The following VTI1A variants were observed in gnomAD, a reference collection of about 807,000 sequenced individuals.
VTI1A encodes the protein vesicle transport through interaction with t-SNAREs 1A.
VTI1A carries 22 observed loss-of-function variants against 34.9 expected under a neutral mutation model. That is an observed-to-expected ratio of 0.63 (90% CI 0.45 to 0.90). VTI1A has a LOEUF of 0.90. VTI1A is among the 40% of genes least tolerant of loss of function. The pLI is 0.00. For synonymous variants in VTI1A, 87 were observed against 97.3 expected (o/e 0.89, Z 0.62); for missense variants, 268 against 275.6 (o/e 0.97, Z 0.20).
intron 7 of VTI1A, among the ~76,000 whole-genome samples, chr10:112,718,618 A>G (rs74156806): frequency 0.013 from 1,936 of 152,310 alleles, 40 homozygotes; most frequent in African/African-American, 0.043. Flanking sequence ...TGGATAATCT[A>G]GAAAAGAATA....
chr10:112,623,708 A>G (rs909448086), intron 5 of VTI1A, among the ~76,000 whole-genome samples: 2 of 152,238 alleles, frequency 1.3e-5, no homozygotes, highest in East Asian at 1.9e-4. Flanking sequence ...ATCCATTCCT[A>G]TAGGATTCCT....
At chr10:112,604,052 T>G (rs1844980882) in intron 5 of VTI1A, among the ~76,000 whole-genome samples, 1 of 152,162 alleles carries the variant, frequency 6.6e-6, no homozygotes, top group South Asian at 2.1e-4. Flanking sequence ...CTCATTTTTT[T>G]TCTTTTGGTT....
intron 7 of VTI1A, among the ~76,000 whole-genome samples, chr10:112,673,788 C>T (rs77585493): frequency 0.022 from 3,296 of 152,270 alleles, 54 homozygotes; most frequent in Non-Finnish European, 0.034. Context: ...ATCTGGAAAG[C>T]TTAAATGCAC....
chr10:112,709,682 C>CTT lies in VTI1A; in HGVS notation c.560+40711_560+40712dup, dbSNP rs57081938. On this transcript the variant is annotated intron_variant, in intron 7 of 7. Coordinates refer to ENST00000393077, the MANE Select transcript of VTI1A (RefSeq NM_145206.4). The stretch of plus-strand genomic sequence containing the variant: ...CCCCAACAAGAGGCACTCTATGTGG[C>CTT]TTTTTTTTTTTTTTTTTTTTTTTTT... Among the ~76,000 whole-genome samples, 148 of 70,272 alleles carry CTT rather than the reference C, an allele frequency of 2.1e-3. 8 individuals are homozygous for CTT. The highest frequency in any genetic ancestry group is 7.7e-3 in the African/African-American group (119 of 15,368). 46.1% of individuals were successfully genotyped at this position (70,272 alleles called of 152,430 possible).
chr10:112,530,452 T>C (rs1850377750), intron 4 of VTI1A, among the ~76,000 whole-genome samples: 1 of 152,162 alleles, frequency 6.6e-6, no homozygotes. Flanking sequence ...ACACAACTTA[T>C]AGAATAAAAT....
At chr10:112,598,255 G>T (rs1371125016) in intron 5 of VTI1A, among the ~76,000 whole-genome samples, 1 of 152,134 alleles carries the variant, frequency 6.6e-6, no homozygotes, top group East Asian at 1.9e-4. Flanking sequence ...CCTTTCACTT[G>T]TAAGTCTCTA....
chr10:112,822,114 G>C (rs2479123), downstream of VTI1A, among the ~76,000 whole-genome samples: 480 of 152,216 alleles, frequency 3.2e-3, 1 homozygote, highest in African/African-American at 0.011. Context: ...GGGGAAGACA[G>C]ACCCACTACA....
chr10:112,568,784 TC>T (rs1453503197), intron 5 of VTI1A, among the ~76,000 whole-genome samples: 1 of 152,164 alleles, frequency 6.6e-6, no homozygotes, highest in African/African-American at 2.4e-5. Flanking sequence ...TTCATGTTTT[TC>T]CCCCCACTTT....
At chr10:112,711,371 A>T (rs771123009) in intron 7 of VTI1A, among the ~76,000 whole-genome samples, 18 of 152,324 alleles carry the variant, frequency 1.2e-4, no homozygotes, top group Non-Finnish European at 1.8e-4. Flanking sequence ...TTCAGGGGCC[A>T]TGTCAGTGTA....
chr10:112,725,507 C>T (rs1849989263), intron 7 of VTI1A, among the ~76,000 whole-genome samples: 1 of 152,212 alleles, frequency 6.6e-6, no homozygotes, highest in South Asian at 2.1e-4. Flanking sequence ...GCCTTTCATC[C>T]ATTATGAAGT....
intron 5 of VTI1A, among the ~76,000 whole-genome samples, chr10:112,654,143 T>C (rs1315442952): frequency 6.6e-6 from 1 of 152,234 alleles, no homozygotes; most frequent in Non-Finnish European, 1.5e-5. Flanking sequence ...AAAAGAAGTC[T>C]GTAAGTGCGT....
intron 5 of VTI1A, among the ~76,000 whole-genome samples, chr10:112,661,075 G>A (rs1250203257): frequency 1.3e-5 from 2 of 152,170 alleles, no homozygotes; most frequent in African/African-American, 4.8e-5. Flanking sequence ...CCGCCTCCTG[G>A]GTTCAAGTGA....
At chr10:112,836,404 C>T in the VTI1A span, among the ~76,000 whole-genome samples, 1 of 152,198 alleles carries the variant, frequency 6.6e-6, no homozygotes, top group Non-Finnish European at 1.5e-5. Context: ...CCCGAGGGCA[C>T]ACAGCAAGCT....
At chr10:112,634,966 G>T (rs1443928182) in intron 5 of VTI1A, among the ~76,000 whole-genome samples, 1 of 152,108 alleles carries the variant, frequency 6.6e-6, no homozygotes, top group Non-Finnish European at 1.5e-5. Context: ...CATTTTTTCT[G>T]TGTCTTCCTT....
At chr10:112,491,900 C>T (rs1196457607) in intron 3 of VTI1A, among the ~76,000 whole-genome samples, 1 of 152,196 alleles carries the variant, frequency 6.6e-6, no homozygotes, top group Non-Finnish European at 1.5e-5. Context: ...CGCCTCTTCC[C>T]TCAGCCAGTG....
intron 3 of VTI1A, among the ~76,000 whole-genome samples, chr10:112,524,549 C>G (rs1178099055): frequency 6.6e-6 from 1 of 152,066 alleles, no homozygotes; most frequent in Non-Finnish European, 1.5e-5. Context: ...GTGGATAAAG[C>G]CTTAGTTCTC....
At chr10:112,806,288 T>C (rs1853074561) in intron 7 of VTI1A, among the ~76,000 whole-genome samples, 1 of 152,110 alleles carries the variant, frequency 6.6e-6, no homozygotes, top group Non-Finnish European at 1.5e-5. Flanking sequence ...CCCTTTTTTT[T>C]TATTATTTTA....
intron 5 of VTI1A, among the ~76,000 whole-genome samples, chr10:112,564,336 A>G (rs924947011): frequency 6.6e-6 from 1 of 152,132 alleles, no homozygotes; most frequent in Admixed American, 6.6e-5. Context: ...ATAGTGAACC[A>G]AACAGAAATA....
intron 7 of VTI1A, among the ~76,000 whole-genome samples, chr10:112,809,797 A>C (rs1346878212): frequency 1.3e-5 from 2 of 152,182 alleles, no homozygotes; most frequent in African/African-American, 4.8e-5. Flanking sequence ...AGACAAAAGA[A>C]ATTCGGACTG....
Sources: allele counts gnomAD v4.1 joint callset (sites outside exome capture counted in the v4.1 genomes callset), GRCh38; gene constraint gnomAD v4.1.1; transcripts MANE v1.5; gene names NCBI Gene and HGNC (gene_info 2026-07-23, HGNC 2026-07-21).